Variants in SLC41A2 observed in about 807,000 individuals in gnomAD.
SLC41A2 encodes SLC41A1-like 1.
SLC41A2 carries 32 observed loss-of-function variants against 58.3 expected under a neutral mutation model. The ratio of observed to expected loss-of-function variants is 0.55; its 90% CI spans 0.41 to 0.74. The LOEUF is 0.74. Among genes scored for constraint, SLC41A2 ranks in the 30% least tolerant of loss-of-function variants. The pLI, the probability that SLC41A2 is intolerant of heterozygous loss-of-function variation, is 0.00. For synonymous variants in SLC41A2, 190 were observed against 235.0 expected (o/e 0.81, Z 1.75); for missense variants, 514 against 680.6 (o/e 0.76, Z 2.72).
At chr12:104,815,628 A>G (rs1299253877) in intron 10 of SLC41A2, among the ~76,000 whole-genome samples, 1 of 152,138 alleles carries the variant, frequency 6.6e-6, no homozygotes, top group African/African-American at 2.4e-5. Context: ...GAAGGCTTAG[A>G]AATATGATAC....
intron 10 of SLC41A2, among the ~76,000 whole-genome samples, chr12:104,842,114 T>C (rs531017578): frequency 2.5e-4 from 38 of 152,228 alleles, no homozygotes; most frequent in African/African-American, 8.2e-4. Context: ...AAGTTTTAAG[T>C]GGTGAAAGAT....
intron 2 of SLC41A2, among the ~76,000 whole-genome samples, chr12:104,915,238 G>C (rs536149895): frequency 2.0e-4 from 30 of 152,202 alleles, no homozygotes; most frequent in African/African-American, 6.0e-4. Context: ...TAAAATGACA[G>C]AGAACATTTT....
intron 10 of SLC41A2, among the ~76,000 whole-genome samples, chr12:104,824,684 C>T (rs2041773398): frequency 6.6e-6 from 1 of 152,110 alleles, no homozygotes; most frequent in South Asian, 2.1e-4. Flanking sequence ...AACACATGCC[C>T]ACTGGGGCTT....
At chr12:104,861,164 G>T (rs996690656) in intron 8 of SLC41A2, 127 bp downstream of exon 8, 26 of 544,964 alleles carry the variant, frequency 4.8e-5, no homozygotes, top group Non-Finnish European at 7.7e-5. Flanking sequence ...ACTTGGGGTT[G>T]GAGGCAGAAT....
chr12:104,848,911 C>T (rs1175161857), intron 8 of SLC41A2, among the ~76,000 whole-genome samples: 2 of 151,926 alleles, frequency 1.3e-5, no homozygotes, highest in East Asian at 3.9e-4. Flanking sequence ...CACACACACA[C>T]ACACACACAC....
rs758020311 is a variant in SLC41A2 at position 104,928,172 on chromosome 12, T to C, written c.356A>G (p.Asp119Gly). ...AGTGGTTTCTGAAGTCTCCCTTCCA[T>C]CACAGTAATTATAATTGGCATAGTC... ...YDDYANYNYC[D>G]GRETSETTAM... Residue 119 changes from aspartate (D) to glycine (G), a missense_variant, in exon 2 of 11, where the codon GAT (aspartate) becomes GGT (glycine). Physicochemically the swap from Asp to Gly is moderately conservative, Grantham distance 94. Coordinates refer to ENST00000258538, the MANE Select transcript of SLC41A2 (RefSeq NM_001352171.3). 1.3e-5 allele frequency: 21 copies of C among 1,614,176 alleles called. No individual in the cohort carries two copies. The East Asian group carries it at 4.2e-4, about 33-fold the overall frequency.
rs191143703 is a variant in SLC41A2 at position 104,956,847 on chromosome 12, A to G, written c.-168+1241T>C. Among the ~76,000 whole-genome samples the G allele has an allele frequency of 1.9e-3, 285 of 152,354 alleles. 1 individual carries two copies. Among genetic ancestry groups the G allele is most frequent in the African/African-American group, 6.4e-3 (266 of 41,582 alleles). ...TTAGAGAAATGCAAATCAAAACCAC[A>G]AAGAGATACCATTCCACACTCACTA... On this transcript the variant is annotated intron_variant, in intron 1 of 10. Transcript: ENST00000258538.
chr12:104,905,253 T>C (rs953086428), intron 3 of SLC41A2, among the ~76,000 whole-genome samples: 31 of 150,852 alleles, frequency 2.1e-4, no homozygotes, highest in African/African-American at 6.1e-4. Context: ...AGAATGCCAA[T>C]TGGTGTATTT....
At chr12:104,825,158 T>G (rs2453163) in intron 10 of SLC41A2, among the ~76,000 whole-genome samples, 74,385 of 151,958 alleles carry the variant, frequency 0.49, 19,030 homozygotes, top group Middle Eastern at 0.57. Context: ...CCACCAAAGG[T>G]GCAAATCAGA....
intron 3 of SLC41A2, among the ~76,000 whole-genome samples, chr12:104,905,421 C>T (rs1593114383): frequency 6.6e-6 from 1 of 152,042 alleles, no homozygotes; most frequent in African/African-American, 2.4e-5. Context: ...TCCACGTCCC[C>T]ACCAGACTCA....
intron 1 of SLC41A2, among the ~76,000 whole-genome samples, chr12:104,936,040 T>TAAA (rs35130202): frequency 6.9e-6 from 1 of 144,542 alleles, no homozygotes; most frequent in Non-Finnish European, 1.5e-5. Flanking sequence ...GAGACTGTCT[T>TAAA]AAAAAAAAAA....
chr12:104,840,448 A>T (rs1251484237), intron 10 of SLC41A2, among the ~76,000 whole-genome samples: 1 of 152,244 alleles, frequency 6.6e-6, no homozygotes, highest in Non-Finnish European at 1.5e-5. Flanking sequence ...AGTCTCATAA[A>T]TGCTGACTGA....
At chr12:104,840,039 C>CT (rs768558528) in intron 10 of SLC41A2, among the ~76,000 whole-genome samples, 18 of 152,146 alleles carry the variant, frequency 1.2e-4, no homozygotes, top group Admixed American at 3.3e-4. Flanking sequence ...TTCTTTGTAC[C>CT]TTCTCAGGTT....
chr12:104,849,982 T>C (rs1478761686), intron 8 of SLC41A2, among the ~76,000 whole-genome samples: 2 of 152,188 alleles, frequency 1.3e-5, no homozygotes, highest in Non-Finnish European at 2.9e-5. Flanking sequence ...TCAAGAGAAC[T>C]TGACATCTTA....
intron 1 of SLC41A2, among the ~76,000 whole-genome samples, chr12:104,938,844 A>AC (rs1229172473): frequency 6.6e-6 from 1 of 152,242 alleles, no homozygotes; most frequent in African/African-American, 2.4e-5. Context: ...TTAGTTTAGG[A>AC]GAGTCTCTCT....
chr12:104,930,069 TG>T (rs2046994373), intron 1 of SLC41A2, among the ~76,000 whole-genome samples: 1 of 152,216 alleles, frequency 6.6e-6, no homozygotes, highest in African/African-American at 2.4e-5. Context: ...GAATTCCTTC[TG>T]AGGAACATTT....
intron 10 of SLC41A2, 86 bp downstream of exon 10, chr12:104,844,386 A>G: frequency 1.1e-6 from 1 of 894,236 alleles, no homozygotes; most frequent in Non-Finnish European, 1.6e-6. Flanking sequence ...AAATGGTAAA[A>G]TGTGTCATGT....
intron 10 of SLC41A2, among the ~76,000 whole-genome samples, chr12:104,820,833 CG>C (rs1183797477): frequency 6.6e-6 from 1 of 151,964 alleles, no homozygotes; most frequent in Admixed American, 6.6e-5. Context: ...TTAGTTGAGA[CG>C]GGGTTTCATC....
At chr12:104,904,727 G>A (rs1487315726) in intron 3 of SLC41A2, among the ~76,000 whole-genome samples, 1 of 152,036 alleles carries the variant, frequency 6.6e-6, no homozygotes, top group Non-Finnish European at 1.5e-5. Context: ...TTCGCGATGA[G>A]TGTTAACAGC....
Sources: gnomAD v4.1 joint callset for allele counts (sites outside exome capture counted in the v4.1 genomes callset) on GRCh38, gnomAD v4.1.1 for gene constraint, MANE v1.5 for transcripts, NCBI Gene and HGNC (gene_info 2026-07-23, HGNC 2026-07-21) for gene names.